The following PDS5B variants were observed in gnomAD, a reference collection of about 807,000 sequenced individuals.
PDS5B encodes the protein PDS5 cohesin associated factor B.
PDS5B carries 51 observed loss-of-function variants against 184.1 expected under a neutral mutation model. That is an observed-to-expected ratio of 0.28 (90% CI 0.22 to 0.35). The LOEUF (loss-of-function observed/expected upper bound fraction) is 0.35. Among genes scored for constraint, PDS5B ranks in the 10% least tolerant of loss-of-function variants. The pLI is 1.00. For missense variants in PDS5B, 1,180 were observed against 1,723.3 expected, an observed-to-expected ratio of 0.68 and a Z score of 5.58; for synonymous variants, 566 against 569.2, an observed-to-expected ratio of 0.99 and a Z score of 0.08.
At chr13:32,715,044 T>G (rs1218205972) in intron 19 of PDS5B, among the ~76,000 whole-genome samples, 1 of 152,242 alleles carries the variant, frequency 6.6e-6, no homozygotes, top group African/African-American at 2.4e-5. Context: ...CCATGAAACC[T>G]TTACAATCCA....
At chr13:32,755,061 C>T (rs1954125156) in intron 25 of PDS5B, among the ~76,000 whole-genome samples, 1 of 152,086 alleles carries the variant, frequency 6.6e-6, no homozygotes, top group Non-Finnish European at 1.5e-5. Flanking sequence ...ACAAACTGTT[C>T]TCTGTAGATT....
intron 2 of PDS5B, chr13:32,650,694 G>C (rs1181290029): frequency 6.6e-6 from 1 of 152,158 alleles, no homozygotes; most frequent in Non-Finnish European, 1.5e-5. Context: ...TGTAGTGCCA[G>C]GTTGCAAGGA....
intron 19 of PDS5B, among the ~76,000 whole-genome samples, chr13:32,731,846 T>C (rs914742159): frequency 6.6e-6 from 1 of 151,944 alleles, no homozygotes; most frequent in African/African-American, 2.4e-5. Context: ...AACAGGAGAG[T>C]GTGAGTCACC....
intron 1 of PDS5B, among the ~76,000 whole-genome samples, chr13:32,587,085 T>C (rs917019337): frequency 1.4e-5 from 2 of 146,004 alleles, no homozygotes; most frequent in African/African-American, 2.5e-5. Context: ...GCGGTGCTCC[T>C]GTTGAATCCT....
At chr13:32,721,423 C>T (rs551100060) in intron 19 of PDS5B, among the ~76,000 whole-genome samples, 16 of 151,012 alleles carry the variant, frequency 1.1e-4, no homozygotes, top group African/African-American at 3.2e-4. Flanking sequence ...GGCTGCCGGG[C>T]GGAGGGGCTC....
At chr13:32,606,645 A>G (rs901515639) in intron 1 of PDS5B, among the ~76,000 whole-genome samples, 1 of 152,308 alleles carries the variant, frequency 6.6e-6, no homozygotes, top group Admixed American at 6.5e-5. Context: ...TCTCCTGGAT[A>G]ATATCCTGAA....
rs1431332377 is a variant in PDS5B at position 32,706,961 on chromosome 13, A to C, written c.1884A>C (p.Ser628=). The change falls in exon 18 of 35, where the codon TCA becomes TCC. Residue 628 remains serine, a synonymous_variant. Coordinates refer to ENST00000315596, the MANE Select transcript of PDS5B (RefSeq NM_015032.4). The part of the protein sequence containing the change: ...ISALIKQVNK[S]IDGTADDEDE... ...CTCTTATTAAACAAGTGAACAAATC[A>C]ATAGATGGAACAGCAGATGATGAAG... is the stretch of plus-strand genomic sequence containing the variant. 6.2e-7 allele frequency: 1 copy of C among 1,611,762 alleles called. No individual in the cohort carries two copies. The highest frequency in any genetic ancestry group is 1.3e-5 in the African/African-American group (1 of 74,852).
chr13:32,692,761 C>T (rs1480325856), intron 13 of PDS5B, among the ~76,000 whole-genome samples: 1 of 151,688 alleles, frequency 6.6e-6, no homozygotes, highest in Non-Finnish European at 1.5e-5. Context: ...AACTTTTTTC[C>T]CTTTTTTAGA....
chr13:32,731,539 A>G (rs1220959276), intron 19 of PDS5B, among the ~76,000 whole-genome samples: 1 of 152,066 alleles, frequency 6.6e-6, no homozygotes, highest in Admixed American at 6.6e-5. Flanking sequence ...CAGTTCTCAC[A>G]GTTTAACATA....
At chr13:32,759,558 G>T in intron 28 of PDS5B, 70 bp from the exon 29 acceptor site, 1 of 664,576 alleles carries the variant, frequency 1.5e-6, no homozygotes, top group South Asian at 2.7e-5. Flanking sequence ...TGTTTGCTTT[G>T]TTGGCTTTTG....
chr13:32,679,541 CAGG>C (rs1326657989), intron 10 of PDS5B, among the ~76,000 whole-genome samples: 7 of 151,842 alleles, frequency 4.6e-5, no homozygotes, highest in African/African-American at 1.7e-4. Context: ...GAGGCTGAGG[CAGG>C]AGAATTGCTT....
intron 28 of PDS5B, 150 bp downstream of exon 28, chr13:32,758,803 G>A (rs1954275506): frequency 1.4e-6 from 1 of 727,126 alleles, no homozygotes; most frequent in Non-Finnish European, 2.3e-6. Context: ...TCAAACTGGA[G>A]GACACACATA....
intron 24 of PDS5B, 22 bp downstream of exon 24, chr13:32,746,122 A>G (rs1292058764): frequency 6.3e-7 from 1 of 1,597,950 alleles, no homozygotes; most frequent in Non-Finnish European, 8.5e-7. Context: ...GCTGTGTACA[A>G]CTACTTTTTG....
chr13:32,705,284 C>T (rs1270162962), intron 17 of PDS5B, among the ~76,000 whole-genome samples: 1 of 152,044 alleles, frequency 6.6e-6, no homozygotes, highest in African/African-American at 2.4e-5. Context: ...CTGCGTATAT[C>T]TAGGTTAAAA....
intron 12 of PDS5B, 73 bp from the exon 13 acceptor site, chr13:32,688,383 G>A: frequency 1.4e-6 from 1 of 731,794 alleles, no homozygotes; most frequent in South Asian, 1.9e-5. Flanking sequence ...TCTTTACATA[G>A]TTTTAGAATT....
rs780124447 is a variant in PDS5B at position 32,658,528 on chromosome 13, T to C, written c.494T>C (p.Ile165Thr). Residue 165 changes from isoleucine to threonine, a missense_variant, in exon 5 of 35, where the codon ATA becomes ACA. Ile to Thr is a moderately conservative substitution (Grantham distance 89, BLOSUM62 -1). Around this residue, in one of 11 missense-constraint regions of PDS5B, gnomAD observed 79 missense variants for 124.6 expected, o/e 0.63. Transcript: ENST00000315596. ...CTATACAGAACCTTATTTTCAGTTA[T>C]AAAGTAAGTTTATTTTATTAAGTAT... Reference protein sequence around the residue: ...TQLYRTLFSVINNGHNQKVHM... With the variant: ...TQLYRTLFSVTNNGHNQKVHM... 18 of 1,464,432 alleles carry C rather than the reference T, an allele frequency of 1.2e-5. No individual in the cohort carries two copies. Among genetic ancestry groups the C allele is most frequent in the Non-Finnish European group, 1.4e-5 (15 of 1,063,412 alleles). 90.7% of individuals were successfully genotyped at this position (1,464,432 alleles called of 1,614,324 possible). A position where few individuals can be genotyped will look rare whatever the true frequency, so the allele number is the denominator to read the frequency against.
At chr13:32,767,768 A>G (rs976128844) in intron 31 of PDS5B, among the ~76,000 whole-genome samples, 6 of 152,172 alleles carry the variant, frequency 3.9e-5, no homozygotes, top group African/African-American at 1.4e-4. Context: ...AAAGGAATAA[A>G]AAAGGATGAA....
chr13:32,639,314 C>G (rs968367861), intron 1 of PDS5B, among the ~76,000 whole-genome samples: 1 of 151,968 alleles, frequency 6.6e-6, no homozygotes, highest in African/African-American at 2.4e-5. Flanking sequence ...TGCCCTTTTA[C>G]AAATAAACAT....
chr13:32,615,993 T>A (rs1196701147), intron 1 of PDS5B, among the ~76,000 whole-genome samples: 1 of 152,146 alleles, frequency 6.6e-6, no homozygotes, highest in South Asian at 2.1e-4. Flanking sequence ...CATAGCTATA[T>A]GTTGGGTTTT....
Sources: gnomAD v4.1 joint callset for allele counts (sites outside exome capture counted in the v4.1 genomes callset) on GRCh38, gnomAD v4.1.1 for gene constraint, gnomAD v4.1.1 regional missense constraint, MANE v1.5 for transcripts, NCBI Gene and HGNC (gene_info 2026-07-23, HGNC 2026-07-21) for gene names.